NUP37: variants seen among roughly 807,000 people sequenced by gnomAD.
The protein encoded by NUP37 is nucleoporin 37.
A neutral mutation model predicts 45.4 loss-of-function variants in NUP37; 33 were observed. That is an observed-to-expected ratio of 0.73 (90% CI 0.55 to 0.97). The LOEUF is 0.97. Among genes scored for constraint, NUP37 ranks in the 50% least tolerant of loss-of-function variants. The pLI is 0.00. For missense variants in NUP37, 365 were observed against 389.7 expected (o/e 0.94, Z 0.53); for synonymous variants, 127 against 130.7 (o/e 0.97, Z 0.19).
chr12:102,116,539 C>A (rs936973977), intron 2 of NUP37, among the ~76,000 whole-genome samples: 4 of 152,174 alleles, frequency 2.6e-5, no homozygotes, highest in African/African-American at 9.7e-5. Flanking sequence ...CCCACCCAAA[C>A]AGACAGTACG....
rs776094055 is a variant in NUP37, at chr12:102,074,461, G to C, written c.874C>G (p.Leu292Val). Residue 292 changes from leucine (L) to valine (V), a missense_variant, in exon 10 of 10, where the codon CTC (leucine) becomes GTC (valine). Leu to Val is a conservative substitution (Grantham distance 32). Coordinates refer to ENST00000552283, the MANE Select transcript of NUP37 (RefSeq NM_024057.4). ...IHHLGHPQPI[L>V]MGSVAVGSGL... ...GATCCAACGGCTACAGAACCCATGA[G>C]GATGGGCTATAAAATATGTGAAGAA... 30 of 1,592,052 alleles carry C rather than the reference G, an allele frequency of 1.9e-5. 1 individual carries two copies. Among genetic ancestry groups the C allele is most frequent in the Non-Finnish European group, 2.6e-5 (30 of 1,165,570 alleles).
intron 2 of NUP37, among the ~76,000 whole-genome samples, chr12:102,116,856 G>T (rs1053917361): frequency 2.6e-5 from 4 of 152,086 alleles, no homozygotes; most frequent in Admixed American, 2.6e-4. Context: ...AAAAAAGTTA[G>T]CTGGGCATGG....
chr12:102,079,295 T>G lies in NUP37; in HGVS notation c.541-1792A>C. ...ATGTGACTGTTCTTTAAGAACGTACTTTTGTACTTTCCTAAACACATAAAA... is the reference window on the plus strand; with the variant it reads ...ATGTGACTGTTCTTTAAGAACGTACGTTTGTACTTTCCTAAACACATAAAA... On this transcript the variant is annotated intron_variant, in intron 6 of 9. Coordinates refer to ENST00000552283, the MANE Select transcript of NUP37 (RefSeq NM_024057.4). The G allele has an allele frequency of 6.6e-6, 3 of 454,088 alleles. No individual in the cohort carries two copies. In the East Asian group the frequency reaches 2.1e-4, roughly 32 times the overall value. The allele number at this position is 454,088 out of a possible 1,614,324, so 28.1% of individuals were successfully genotyped here.
rs1879093418 is a variant in NUP37 at position 102,073,731 on chromosome 12, C to G, written c.*623G>C. 1 of 152,176 alleles carries G rather than the reference C, an allele frequency of 6.6e-6. No homozygotes were observed. The allele number at this position is 152,176 out of a possible 1,614,324, so 9.4% of individuals were successfully genotyped here. ...AGATAGTCTCGCTCTGTCGCCCAGG[C>G]TGCAGTGAAGTGGCACGATCTTGGC... On this transcript the variant is annotated 3_prime_UTR_variant, in exon 10 of 10. Transcript: ENST00000552283.
intron 4 of NUP37, 44 bp downstream of exon 4, chr12:102,100,988 C>A (rs200051982): frequency 6.8e-5 from 83 of 1,217,276 alleles, no homozygotes; most frequent in Non-Finnish European, 9.1e-5. Flanking sequence ...AAAACAAACA[C>A]GTTTTAAAAT....
chr12:102,112,289 T>C, intron 2 of NUP37, 57 bp from the exon 3 acceptor site: 1 of 1,370,550 alleles, frequency 7.3e-7, no homozygotes, highest in Non-Finnish European at 1.0e-6. Context: ...TATAATATTC[T>C]GTATTTCATT....
chr12:102,118,224 C>G (rs1410830708), intron 2 of NUP37, 139 bp downstream of exon 2: 1 of 825,086 alleles, frequency 1.2e-6, no homozygotes, highest in Non-Finnish European at 1.9e-6. Flanking sequence ...TAACTGGGAA[C>G]ATCTTTCTCT....
At position 102,075,200 on chromosome 12, in the gene NUP37, G is replaced by A. The variant is rs1044565486; in HGVS notation, c.774-106C>T. 9 of 675,842 alleles carry A rather than the reference G, an allele frequency of 1.3e-5. No individual in the cohort carries two copies. The African/African-American group carries it at 1.5e-4, about 11-fold the overall frequency. 41.9% of individuals were successfully genotyped at this position (675,842 alleles called of 1,614,324 possible). On this transcript the variant is annotated intron_variant, in intron 8 of 9. Transcript: ENST00000552283. ...TCTTTTTCTTTTTTTTTAAGAGACAGGGTCTTGCTCTGTCACCCAGGCTGG... is the reference window on the plus strand; with the variant it reads ...TCTTTTTCTTTTTTTTTAAGAGACAAGGTCTTGCTCTGTCACCCAGGCTGG...
chr12:102,093,437 A>C lies in NUP37; in HGVS notation c.449+5669T>G, dbSNP rs531351440. 2.6e-5 allele frequency among the ~76,000 whole-genome samples: 4 copies of C among 152,216 alleles called. No homozygotes were observed. The East Asian group carries it at 5.8e-4, about 22-fold the overall frequency. ...ATACAGACAGATAAATTTTTGAAGG[A>C]TGGAAATTGTGAGAAATTTTGTCAC... is the stretch of plus-strand genomic sequence containing the variant. On this transcript the variant is annotated intron_variant, in intron 5 of 9. Transcript: ENST00000552283.
intron 6 of NUP37, among the ~76,000 whole-genome samples, chr12:102,083,681 T>C (rs751976319): frequency 1.3e-5 from 2 of 152,224 alleles, no homozygotes; most frequent in African/African-American, 2.4e-5. Flanking sequence ...CAATTAACCC[T>C]TGAAGCAATT....
At chr12:102,086,887 C>T (rs543739310) in intron 5 of NUP37, among the ~76,000 whole-genome samples, 2 of 152,296 alleles carry the variant, frequency 1.3e-5, no homozygotes, top group East Asian at 1.9e-4. Context: ...AGTTCAAGAC[C>T]AGCCTGGCAA....
chr12:102,105,073 C>T (rs542489719), intron 3 of NUP37, among the ~76,000 whole-genome samples: 2 of 152,244 alleles, frequency 1.3e-5, no homozygotes, highest in South Asian at 2.1e-4. Flanking sequence ...TGAACACAGG[C>T]TGTCTTTCTA....
rs1219064506 is a variant in NUP37, at chr12:102,112,147, C to T, written c.242G>A (p.Ser81Asn). The T allele has an allele frequency of 6.2e-7, 1 of 1,613,926 alleles. No individual in the cohort carries two copies. The highest frequency in any genetic ancestry group is 1.1e-5 in the South Asian group (1 of 91,074). The change falls in exon 3 of 10, where the codon AGC (serine) becomes AAC (asparagine). Residue 81 changes from serine to asparagine, a missense_variant. By Grantham distance (46) the Ser-to-Asn change is conservative (BLOSUM62 1). Coordinates refer to ENST00000552283, the MANE Select transcript of NUP37 (RefSeq NM_024057.4). ...CAATGAATCAAGTCTAGTCTCTGGG[C>T]TCCAAGCTATGCCATCAACCCTGAC... is the stretch of plus-strand genomic sequence containing the variant. ...HGVRVDGIAW[S>N]PETRLDSLPP...
At chr12:102,085,739 TAA>T (rs759001255) in intron 6 of NUP37, 25 bp downstream of exon 6, 12 of 1,087,028 alleles carry the variant, frequency 1.1e-5, no homozygotes, top group South Asian at 1.4e-5. Flanking sequence ...TTCAATTTGA[TAA>T]GAGAGTTAAA....
chr12:102,117,531 T>A (rs934214446), intron 2 of NUP37, among the ~76,000 whole-genome samples: 2 of 152,184 alleles, frequency 1.3e-5, no homozygotes, highest in Non-Finnish European at 2.9e-5. Flanking sequence ...GTTCCAAGTC[T>A]CTCTTACATG....
chr12:102,079,634 T>TA (rs1879276967), intron 6 of NUP37, among the ~76,000 whole-genome samples: 1 of 152,194 alleles, frequency 6.6e-6, no homozygotes, highest in Non-Finnish European at 1.5e-5. Context: ...AAAGCTTACC[T>TA]AACACATTTA....
chr12:102,101,444 A>T (rs116088161), intron 3 of NUP37, among the ~76,000 whole-genome samples: 2,153 of 152,320 alleles, frequency 0.014, 58 homozygotes, highest in African/African-American at 0.049. Flanking sequence ...GATGGATTTT[A>T]AAAAGTATCT....
In NUP37 at chr12:102,103,365, T is replaced by C. The variant is rs79147237; in HGVS notation, c.282-2261A>G. ...ATTTTGATGCTTTTGTAAATCATAT[T>C]ACCTTAATTTCTTTTTCAGATAGTT... is the stretch of plus-strand genomic sequence containing the variant. On this transcript the variant is annotated intron_variant, in intron 3 of 9. Transcript: ENST00000552283. 5.7e-4 allele frequency among the ~76,000 whole-genome samples: 87 copies of C among 152,306 alleles called. No individual in the cohort carries two copies. In the East Asian group the frequency reaches 0.014, roughly 24 times the overall value.
At chr12:102,105,386 C>T (rs533951763) in intron 3 of NUP37, among the ~76,000 whole-genome samples, 23 of 151,626 alleles carry the variant, frequency 1.5e-4, no homozygotes, top group African/African-American at 5.6e-4. Flanking sequence ...AAAAATTAGC[C>T]GGGTGCAGTG....
Sources: gnomAD v4.1 joint callset for allele counts (sites outside exome capture counted in the v4.1 genomes callset) on GRCh38, gnomAD v4.1.1 for gene constraint, MANE v1.5 for transcripts, NCBI Gene and HGNC (gene_info 2026-07-23, HGNC 2026-07-21) for gene names.